The following NLRP4 variants were observed in gnomAD, a reference collection of about 807,000 sequenced individuals.
NLRP4 encodes the protein NLR family pyrin domain containing 4.
In NLRP4, 44 loss-of-function variants were observed where a neutral mutation model predicts 84.7. The ratio of observed to expected loss-of-function variants is 0.52; its 90% CI spans 0.41 to 0.67. The LOEUF (loss-of-function observed/expected upper bound fraction) is 0.67. Among genes scored for constraint, NLRP4 ranks in the 30% least tolerant of loss-of-function variants. NLRP4 has a pLI of 0.00. For missense variants in NLRP4, 1,260 were observed against 1,219.4 expected (o/e 1.03, Z -0.50); for synonymous variants, 544 against 476.4 (o/e 1.14, Z -1.85).
intron 1 of NLRP4, among the ~76,000 whole-genome samples, chr19:55,848,141 C>T (rs115106020): frequency 1.7e-3 from 260 of 152,156 alleles, no homozygotes; most frequent in African/African-American, 5.4e-3. Context: ...TGATCTTGAA[C>T]GTTTTGAGAA....
Position 55,858,227 on chromosome 19 carries a change from T to C in NLRP4, c.834T>C (p.Ala278=), listed in dbSNP as rs421810. The C allele has an allele frequency of 0.44, 715,215 of 1,613,732 alleles. 161,773 individuals carry two copies. The highest frequency in any genetic ancestry group is 0.67 in the East Asian group (29,920 of 44,854). ...KMLPEASLLI[A]IKPVCPKELR... is the part of the protein sequence containing the mutation. ...TCCCGGAGGCCTCCCTGCTCATCGC[T>C]ATCAAACCCGTGTGCCCGAAGGAGC... Residue 278 remains alanine (A), a synonymous_variant, in exon 3 of 10, where the codon GCT becomes GCC. Transcript: ENST00000301295. The surrounding 1 kb of genome is among the most constrained non-coding windows in gnomAD (Gnocchi z 4.2).
chr19:55,858,408 C>G lies in NLRP4; in HGVS notation c.1015C>G (p.Gln339Glu). The G allele has an allele frequency of 6.2e-7, 1 of 1,614,162 alleles. No homozygotes were observed. Among genetic ancestry groups the G allele is most frequent in the Non-Finnish European group, 8.5e-7 (1 of 1,180,026 alleles). ...AAGTGAACAGCTGTTTTCCATATGC[C>G]AAATCCCGCTCCTCTGCTGGATCCT... ...RESEQLFSIC[Q>E]IPLLCWILCT... The change falls in exon 3 of 10, where the codon CAA becomes GAA. Residue 339 changes from glutamine (Q) to glutamate (E), a missense_variant. Coordinates refer to ENST00000301295, the MANE Select transcript of NLRP4 (RefSeq NM_134444.5). This position sits in a 1 kb window ranked among gnomAD's most constrained non-coding sequence, Gnocchi z 4.2.
At chr19:55,873,378 G>T (rs146652859) in intron 7 of NLRP4, among the ~76,000 whole-genome samples, 125 of 152,008 alleles carry the variant, frequency 8.2e-4, no homozygotes, top group African/African-American at 3.0e-3. Flanking sequence ...AAAAATTCCC[G>T]ATCCAAAAAA....
chr19:55,857,256 A>G (rs1984470101), intron 2 of NLRP4, among the ~76,000 whole-genome samples: 1 of 151,856 alleles, frequency 6.6e-6, no homozygotes, highest in Admixed American at 6.6e-5. Flanking sequence ...CATAGTAGCA[A>G]TGAATGTATA....
At chr19:55,850,887 G>T (rs1444911230) in intron 1 of NLRP4, among the ~76,000 whole-genome samples, 22 of 62,482 alleles carry the variant, frequency 3.5e-4, no homozygotes, top group Non-Finnish European at 5.2e-4. Flanking sequence ...GCGGTGTAAT[G>T]TCCGTGGCTG....
chr19:55,858,200 G>C lies in NLRP4; in HGVS notation c.807G>C (p.Met269Ile), dbSNP rs762490303. The change falls in exon 3 of 10, where the codon ATG (methionine) becomes ATC (isoleucine). Residue 269 changes from methionine to isoleucine, a missense_variant. By Grantham distance (10) the Met-to-Ile change is conservative (BLOSUM62 1). Coordinates refer to ENST00000301295, the MANE Select transcript of NLRP4 (RefSeq NM_134444.5). This position sits in a 1 kb window ranked among gnomAD's most constrained non-coding sequence, Gnocchi z 4.2. ...VLLSSLLRKK[M>I]LPEASLLIAI... ...TGAGCAGTTTGCTGAGGAAGAAGAT[G>C]CTCCCGGAGGCCTCCCTGCTCATCG... 6 of 1,614,154 alleles carry C rather than the reference G, an allele frequency of 3.7e-6. No homozygotes were observed. The highest frequency in any genetic ancestry group is 4.2e-6 in the Non-Finnish European group (5 of 1,180,020).
chr19:55,870,817 G>A lies in NLRP4; in HGVS notation c.2355-10G>A, dbSNP rs745961527. The stretch of plus-strand genomic sequence containing the variant: ...TCTTCACTCTCCTTCTCGTGTTTTT[G>A]TCCCCATAGGTTGGCTTTCTGCCAC... On this transcript the variant is annotated splice_polypyrimidine_tract_variant and intron_variant, in intron 6 of 9. Transcript: ENST00000301295. 1 of 1,608,140 alleles carries A rather than the reference G, an allele frequency of 6.2e-7. No homozygotes were observed. Among genetic ancestry groups the A allele is most frequent in the Non-Finnish European group, 8.5e-7 (1 of 1,175,438 alleles).
chr19:55,842,455 T>A (rs1425972392), intron 1 of NLRP4, among the ~76,000 whole-genome samples: 1 of 152,178 alleles, frequency 6.6e-6, no homozygotes, highest in African/African-American at 2.4e-5. Flanking sequence ...AGTGGGCTTA[T>A]CAGAATTTCT....
intron 1 of NLRP4, among the ~76,000 whole-genome samples, chr19:55,850,018 C>T (rs113695216): frequency 2.4e-5 from 3 of 123,176 alleles, no homozygotes; most frequent in East Asian, 2.2e-4. Flanking sequence ...TCCGAGACTG[C>T]GGTGTGATTT....
rs1984296203 is a variant in NLRP4, at chr19:55,853,906, T to TC, written c.280+1546_280+1547insC. The stretch of plus-strand genomic sequence containing the variant: ...CTATCTCTTTCTCTCTCTCTCTCTC[T>TC]TTCTCTTTCTTTCTCTTTCTCTTTC... On this transcript the variant is annotated intron_variant, in intron 2 of 9. Coordinates refer to ENST00000301295, the MANE Select transcript of NLRP4 (RefSeq NM_134444.5). 3.7e-5 allele frequency among the ~76,000 whole-genome samples: 5 copies of TC among 135,272 alleles called. 1 individual carries two copies. Among genetic ancestry groups the TC allele is most frequent in the South Asian group, 4.4e-4 (2 of 4,496 alleles). 88.7% of individuals were successfully genotyped at this position (135,272 alleles called of 152,430 possible). A position where few individuals can be genotyped will look rare whatever the true frequency, so the allele number is the denominator to read the frequency against.
At chr19:55,856,511 CTTTT>C (rs71182923) in intron 2 of NLRP4, among the ~76,000 whole-genome samples, 22 of 112,220 alleles carry the variant, frequency 2.0e-4, no homozygotes, top group East Asian at 1.0e-3. Context: ...GTTGCTGGAT[CTTTT>C]TTTTTTTTTT....
chr19:55,869,685 T>C (rs1303391135), intron 6 of NLRP4, among the ~76,000 whole-genome samples: 1 of 152,142 alleles, frequency 6.6e-6, no homozygotes, highest in Non-Finnish European at 1.5e-5. Context: ...AATCTAAATA[T>C]CCGTAGGCCA....
chr19:55,871,577 T>C (rs1426989392), intron 7 of NLRP4, among the ~76,000 whole-genome samples: 2 of 152,196 alleles, frequency 1.3e-5, no homozygotes, highest in African/African-American at 4.8e-5. Context: ...GGATAACATG[T>C]TGTTATGTAT....
At chr19:55,878,340 A>G (rs1199629670) in intron 8 of NLRP4, among the ~76,000 whole-genome samples, 1 of 152,162 alleles carries the variant, frequency 6.6e-6, no homozygotes, top group Non-Finnish European at 1.5e-5. Context: ...AAATTGCTAG[A>G]ACCCAGCAGG....
chr19:55,847,380 C>A (rs1983837566), intron 1 of NLRP4, among the ~76,000 whole-genome samples: 1 of 152,108 alleles, frequency 6.6e-6, no homozygotes, highest in Non-Finnish European at 1.5e-5. Flanking sequence ...TAATTACAAG[C>A]TAATTGATTA....
chr19:55,876,207 T>G (rs1157059802), intron 7 of NLRP4, among the ~76,000 whole-genome samples: 1 of 152,146 alleles, frequency 6.6e-6, no homozygotes, highest in East Asian at 1.9e-4. Context: ...TGGAATAGCG[T>G]ATCACTGGTG....
At position 55,859,230 on chromosome 19, in the gene NLRP4, G is replaced by A; in HGVS notation, c.1837G>A (p.Glu613Lys). The change falls in exon 3 of 10, where the codon GAG (glutamate) becomes AAG (lysine). Residue 613 changes from glutamate to lysine, a missense_variant. By Grantham distance (56) the Glu-to-Lys change is moderately conservative (BLOSUM62 1). Transcript: ENST00000301295. ...TTCCGTTCAAAATGTCTTTAAGAAA[G>A]AGGATGAACACAGCTCTACGTGAGT... ...CFSVQNVFKKEDEHSSTSDYS... is the reference protein window; with the variant it reads ...CFSVQNVFKKKDEHSSTSDYS... 1 of 1,603,850 alleles carries A rather than the reference G, an allele frequency of 6.2e-7. No homozygotes were observed. The highest frequency in any genetic ancestry group is 8.5e-7 in the Non-Finnish European group (1 of 1,171,478).
intron 7 of NLRP4, among the ~76,000 whole-genome samples, chr19:55,873,192 T>G (rs759421955): frequency 6.6e-6 from 1 of 152,156 alleles, no homozygotes; most frequent in Non-Finnish European, 1.5e-5. Context: ...GGAAGAGAGA[T>G]AGAGCAAAGA....
chr19:55,850,358 C>T (rs374400698), intron 1 of NLRP4, among the ~76,000 whole-genome samples: 56 of 53,560 alleles, frequency 1.0e-3, no homozygotes, highest in East Asian at 1.6e-3. Context: ...TCCGAGGCTG[C>T]GGTGTAATTT....
Sources: gnomAD v4.1 joint callset for allele counts (sites outside exome capture counted in the v4.1 genomes callset) on GRCh38, gnomAD v4.1.1 for gene constraint, Gnocchi (gnomAD v3.1) non-coding constraint, MANE v1.5 for transcripts, NCBI Gene and HGNC (gene_info 2026-07-23, HGNC 2026-07-21) for gene names.